NXPH2: variants seen among roughly 807,000 people sequenced by gnomAD.
The protein encoded by NXPH2 is neurexophilin 2.
In NXPH2, 5 loss-of-function variants were observed where a neutral mutation model predicts 19.8. The ratio of observed to expected loss-of-function variants is 0.25; its 90% confidence interval spans 0.13 to 0.53. The LOEUF is 0.53. Among genes scored for constraint, NXPH2 ranks in the 20% least tolerant of loss-of-function variants. The probability of loss-of-function intolerance (pLI) is 0.96; values close to 1 mark genes in which losing one functional copy is unlikely to be tolerated. For missense variants in NXPH2, 289 were observed against 322.8 expected (o/e 0.90, Z 0.80); for synonymous variants, 154 against 127.4 (o/e 1.21, Z -1.41).
intron 1 of NXPH2, among the ~76,000 whole-genome samples, chr2:138,679,219 A>T (rs981749450): frequency 1.3e-5 from 2 of 152,228 alleles, no homozygotes; most frequent in Non-Finnish European, 2.9e-5. Flanking sequence ...AATGTAAATC[A>T]TGCCTTTATC....
chr2:138,684,893 C>G (rs1680626076), intron 1 of NXPH2, among the ~76,000 whole-genome samples: 1 of 152,194 alleles, frequency 6.6e-6, no homozygotes, highest in South Asian at 2.1e-4. Context: ...ATAAAATTTT[C>G]AAAACTTTTT....
chr2:138,682,615 G>A (rs959812498), intron 1 of NXPH2, among the ~76,000 whole-genome samples: 1 of 152,160 alleles, frequency 6.6e-6, no homozygotes, highest in Non-Finnish European at 1.5e-5. Flanking sequence ...TCTGCTGAGA[G>A]TGGCAAATTC....
intron 1 of NXPH2, among the ~76,000 whole-genome samples, chr2:138,745,469 CA>C (rs1681710234): frequency 7.7e-6 from 1 of 130,156 alleles, no homozygotes; most frequent in African/African-American, 3.1e-5. Flanking sequence ...AATGCCTATG[CA>C]CATCCTTTTC....
intron 1 of NXPH2, among the ~76,000 whole-genome samples, chr2:138,729,825 C>T (rs945412846): frequency 2.0e-5 from 3 of 152,180 alleles, no homozygotes; most frequent in South Asian, 2.1e-4. Flanking sequence ...GCTTATGACT[C>T]CCGTTTCAAA....
chr2:138,765,422 C>T (rs1464945259), intron 1 of NXPH2, among the ~76,000 whole-genome samples: 1 of 152,176 alleles, frequency 6.6e-6, no homozygotes. Flanking sequence ...GTTTACGTTT[C>T]TATTACCATG....
chr2:138,671,421 C>A lies in NXPH2; in HGVS notation c.296G>T (p.Arg99Leu). Residue 99 changes from arginine (R) to leucine (L), a missense_variant, in exon 2 of 2, where the codon CGG becomes CTG. Coordinates refer to ENST00000272641, the MANE Select transcript of NXPH2 (RefSeq NM_007226.3). ...TTTTCCTGTTTTTACTATTGGCCTC[C>A]GTTTAGTTCTTGCCAATGGCTCCTG... ...EIQEPLARTKRRPIVKTGKFK... is the reference protein window; with the variant it reads ...EIQEPLARTKLRPIVKTGKFK... 6.2e-7 allele frequency: 1 copy of A among 1,613,996 alleles called. No individual in the cohort carries two copies. The highest frequency in any genetic ancestry group is 8.5e-7 in the Non-Finnish European group (1 of 1,179,888).
At chr2:138,767,819 G>A (rs916539011) in intron 1 of NXPH2, among the ~76,000 whole-genome samples, 4 of 151,960 alleles carry the variant, frequency 2.6e-5, no homozygotes, top group African/African-American at 9.7e-5. Flanking sequence ...TCCTCTCATT[G>A]CCTCTGTCCT....
intron 1 of NXPH2, among the ~76,000 whole-genome samples, chr2:138,759,823 A>C (rs1263957196): frequency 7.0e-6 from 1 of 142,464 alleles, no homozygotes; most frequent in African/African-American, 2.6e-5. Flanking sequence ...TCCGCCTCCC[A>C]GGTTCACGCC....
intron 1 of NXPH2, among the ~76,000 whole-genome samples, chr2:138,745,572 T>C (rs925756743): frequency 3.9e-5 from 6 of 151,940 alleles, no homozygotes; most frequent in Non-Finnish European, 8.8e-5. Flanking sequence ...TGTAATACTT[T>C]CTAATAACAG....
At chr2:138,766,411 G>C (rs1682093586) in intron 1 of NXPH2, among the ~76,000 whole-genome samples, 2 of 152,114 alleles carry the variant, frequency 1.3e-5, no homozygotes, top group Admixed American at 1.3e-4. Context: ...TGCTCCCCAG[G>C]GGACATTTGT....
At chr2:138,681,808 A>G (rs187233656) in intron 1 of NXPH2, among the ~76,000 whole-genome samples, 41 of 152,292 alleles carry the variant, frequency 2.7e-4, no homozygotes, top group African/African-American at 7.2e-4. Context: ...AATGATGACC[A>G]TTGCTAAGTG....
At chr2:138,675,980 T>C (rs1001336998) in intron 1 of NXPH2, among the ~76,000 whole-genome samples, 3 of 151,992 alleles carry the variant, frequency 2.0e-5, no homozygotes, top group Non-Finnish European at 2.9e-5. Context: ...TGTGTGTGTG[T>C]GTGTATAAAT....
At chr2:138,729,804 T>C (rs1681418495) in intron 1 of NXPH2, among the ~76,000 whole-genome samples, 1 of 152,196 alleles carries the variant, frequency 6.6e-6, no homozygotes, top group South Asian at 2.1e-4. Context: ...TTGACACTCC[T>C]CTCTTTAAGG....
Position 138,671,130 on chromosome 2 carries a change from C to A in NXPH2, c.587G>T (p.Arg196Leu), listed in dbSNP as rs780700647. The A allele has an allele frequency of 6.2e-7, 1 of 1,613,698 alleles. No individual in the cohort carries two copies. The highest frequency in any genetic ancestry group is 1.1e-5 in the South Asian group (1 of 91,068). ...NCRIEYEKTD[R>L]AKKTALCNFD... ...GTTGCACAGGGCGGTCTTTTTCGCC[C>A]GATCTGTTTTTTCATACTCAATGCG... Residue 196 changes from arginine (R) to leucine (L), a missense_variant, in exon 2 of 2, where the codon CGG (arginine) becomes CTG (leucine). Arg to Leu is a moderately radical substitution (Grantham distance 102, BLOSUM62 -2). Transcript: ENST00000272641.
intron 1 of NXPH2, among the ~76,000 whole-genome samples, chr2:138,713,597 C>CTCTGTG (rs1553482875): frequency 6.7e-5 from 10 of 149,628 alleles, no homozygotes; most frequent in South Asian, 6.4e-4. Context: ...AGAAAACGTT[C>CTCTGTG]TGTGTGTGTG....
chr2:138,726,715 C>T (rs1031630795), intron 1 of NXPH2, among the ~76,000 whole-genome samples: 1 of 152,106 alleles, frequency 6.6e-6, no homozygotes, highest in African/African-American at 2.4e-5. Flanking sequence ...ACATCCTCCC[C>T]CATTGTCAGC....
intron 1 of NXPH2, among the ~76,000 whole-genome samples, chr2:138,756,983 A>T (rs187624253): frequency 6.6e-5 from 10 of 152,294 alleles, no homozygotes; most frequent in Admixed American, 5.2e-4. Flanking sequence ...ATTTTGTGGA[A>T]ATGTGACCAT....
chr2:138,676,037 C>A (rs745425039), intron 1 of NXPH2, among the ~76,000 whole-genome samples: 1 of 151,584 alleles, frequency 6.6e-6, no homozygotes, highest in Non-Finnish European at 1.5e-5. Context: ...CTTAGCACAT[C>A]ATATTTCTAG....
At chr2:138,689,227 A>G (rs1680708300) in intron 1 of NXPH2, among the ~76,000 whole-genome samples, 1 of 152,334 alleles carries the variant, frequency 6.6e-6, no homozygotes, top group African/African-American at 2.4e-5. Flanking sequence ...GAGAAGAGCC[A>G]TGCTTGAACA....
Sources: gnomAD v4.1 joint callset for allele counts (sites outside exome capture counted in the v4.1 genomes callset) on GRCh38, gnomAD v4.1.1 for gene constraint, MANE v1.5 for transcripts, NCBI Gene and HGNC (gene_info 2026-07-23, HGNC 2026-07-21) for gene names.